Variants in BHMT2 observed in about 807,000 individuals in gnomAD.
BHMT2 encodes the protein S-methylmethionine--homocysteine S-methyltransferase BHMT2.
Under a neutral mutation model 39.0 loss-of-function variants are expected in BHMT2, and 28 were observed. That is an observed-to-expected ratio of 0.72 (90% CI 0.53 to 0.98). BHMT2 has a LOEUF of 0.98. Ranked by LOEUF, BHMT2 falls within the 50% of genes least tolerant of loss-of-function variation. The pLI is 0.00. For missense variants in BHMT2, 410 were observed against 455.6 expected, an observed-to-expected ratio of 0.90 and a Z score of 0.91; for synonymous variants, 145 against 160.6, an observed-to-expected ratio of 0.90 and a Z score of 0.74.
At chr5:79,083,094 G>T (rs569375619) in intron 5 of BHMT2, 98 bp from the exon 6 acceptor site, 1 of 1,574,126 alleles carries the variant, frequency 6.4e-7, no homozygotes, top group South Asian at 1.1e-5. Flanking sequence ...ATTGTGGGAG[G>T]TGGAGGGGAA....
intron 2 of BHMT2, 87 bp from the exon 3 acceptor site, chr5:79,079,282 T>G (rs1306963631): frequency 6.4e-6 from 6 of 932,760 alleles, no homozygotes; most frequent in African/African-American, 1.7e-5. Context: ...TGGGAGTCAG[T>G]GAGCTACTGC....
intron 4 of BHMT2, among the ~76,000 whole-genome samples, chr5:79,081,665 C>T (rs555099411): frequency 6.6e-6 from 1 of 152,170 alleles, no homozygotes; most frequent in Non-Finnish European, 1.5e-5. Flanking sequence ...TTTGAGACTA[C>T]CCTGGTGAAC....
At chr5:79,083,522 T>A in intron 6 of BHMT2, 106 bp from the exon 7 acceptor site, 1 of 1,480,816 alleles carries the variant, frequency 6.8e-7, no homozygotes, top group Non-Finnish European at 9.0e-7. Context: ...GAAGAATGCA[T>A]CATCTAAAGT....
intron 4 of BHMT2, 137 bp downstream of exon 4, chr5:79,081,015 C>G: frequency 1.3e-6 from 1 of 792,326 alleles, no homozygotes; most frequent in Non-Finnish European, 1.9e-6. Flanking sequence ...TATTTAAATG[C>G]ATGGTAGTCA....
In BHMT2 at chr5:79,087,010, G is replaced by GTATATATATATA. The variant is rs71615505; in HGVS notation, c.1011-1482_1011-1481insATATATATATAT. Reference sequence around the variant, plus strand: ...CTTTTGTGTATGTATGTGTGTGTGTGTGTGTATATATATATATATATATAT... The same window carrying GTATATATATATA: ...CTTTTGTGTATGTATGTGTGTGTGTGTATATATATATATGTGTATATATATATATATATATAT... On this transcript the variant is annotated intron_variant, in intron 7 of 7. Transcript: ENST00000255192. 3.0e-3 allele frequency among the ~76,000 whole-genome samples: 341 copies of GTATATATATATA among 113,314 alleles called. 2 individuals are homozygous for GTATATATATATA. The highest frequency in any genetic ancestry group is 4.3e-3 in the Middle Eastern group (1 of 234). The allele number at this position is 113,314 out of a possible 152,430, so 74.3% of individuals were successfully genotyped here.
In BHMT2 at chr5:79,079,466, C is replaced by CAATATGGA; in HGVS notation, c.258+6_258+7insAATATGGA. On this transcript the variant is annotated splice_region_variant and intron_variant, in intron 3 of 7. Coordinates refer to ENST00000255192, the MANE Select transcript of BHMT2 (RefSeq NM_017614.5). ...AGGACAATATGGAAAGCAAGGTAAA[C>CAATATGGA]GGCAATGGCTGGGTGTGGGGGAGGG... 1 of 1,604,544 alleles carries CAATATGGA rather than the reference C, an allele frequency of 6.2e-7. No homozygotes were observed.
chr5:79,079,420 C>T lies in BHMT2; in HGVS notation c.218C>T (p.Thr73Ile). Residue 73 changes from threonine to isoleucine, a missense_variant, in exon 3 of 8, where the codon ACT becomes ATT. Coordinates refer to ENST00000255192, the MANE Select transcript of BHMT2 (RefSeq NM_017614.5). ...AGAGCAGGATCAAATGTCATGCAGA[C>T]TTTTACCTTTTCTGCCAGTGAGGAC... ...FLRAGSNVMQTFTFSASEDNM... is the reference protein window; with the variant it reads ...FLRAGSNVMQIFTFSASEDNM... 1.2e-6 allele frequency: 2 copies of T among 1,613,984 alleles called. No individual in the cohort carries two copies. The highest frequency in any genetic ancestry group is 1.7e-6 in the Non-Finnish European group (2 of 1,179,916).
intron 6 of BHMT2, 86 bp from the exon 7 acceptor site, chr5:79,083,531 GTTTATAGTTTT>G: frequency 6.6e-7 from 1 of 1,506,728 alleles, no homozygotes; most frequent in South Asian, 1.3e-5. Context: ...ATCATCTAAA[GTTTATAGTTTT>G]TTTAATTGGA....
rs55861901 is a variant in BHMT2 at position 79,088,715 on chromosome 5, C to T, written c.*141C>T. 1 of 630,172 alleles carries T rather than the reference C, an allele frequency of 1.6e-6. No individual in the cohort carries two copies. Among genetic ancestry groups the T allele is most frequent in the South Asian group, 2.0e-5 (1 of 50,596 alleles). 39.0% of individuals were successfully genotyped at this position (630,172 alleles called of 1,614,324 possible). On this transcript the variant is annotated 3_prime_UTR_variant, in exon 8 of 8. Transcript: ENST00000255192. ...GCAGCTGAGGTGCTGCAGCCCCTTC[C>T]CTTCCAGCCCACAAGTGTGTGCATA...
At chr5:79,069,928 T>TGGAC in intron 1 of BHMT2, 113 bp downstream of exon 1, 1 of 1,124,220 alleles carries the variant, frequency 8.9e-7, no homozygotes, top group Non-Finnish European at 1.2e-6. Context: ...GCAAAACACT[T>TGGAC]GGACGGGATG....
chr5:79,083,828 A>T lies in BHMT2; in HGVS notation c.982A>T (p.Met328Leu), dbSNP rs747971613. The T allele has an allele frequency of 1.2e-5, 20 of 1,613,996 alleles. No individual in the cohort carries two copies. Among genetic ancestry groups the T allele is most frequent in the Non-Finnish European group, 1.7e-5 (20 of 1,179,992 alleles). Residue 328 changes from methionine to leucine, a missense_variant, in exon 7 of 8, where the codon ATG becomes TTG. By Grantham distance (15) the Met-to-Leu change is conservative (BLOSUM62 2). Coordinates refer to ENST00000255192, the MANE Select transcript of BHMT2 (RefSeq NM_017614.5). Reference protein sequence around the residue: ...KHGSWGSGLDMHTKPWIRARA... With the variant: ...KHGSWGSGLDLHTKPWIRARA... ...CGGCAGCTGGGGAAGTGGTTTGGAC[A>T]TGCACACCAAACCCTGGATTAGAGC...
At chr5:79,082,748 C>T in intron 4 of BHMT2, 61 bp from the exon 5 acceptor site, 1 of 1,580,378 alleles carries the variant, frequency 6.3e-7, no homozygotes, top group Non-Finnish European at 8.6e-7. Flanking sequence ...GCTATATTTA[C>T]CTTTACCATT....
intron 1 of BHMT2, among the ~76,000 whole-genome samples, chr5:79,074,433 A>C (rs1034816980): frequency 6.6e-6 from 1 of 152,204 alleles, no homozygotes; most frequent in South Asian, 2.1e-4. Flanking sequence ...GGTTGCTTTT[A>C]TTAGATCCAG....
chr5:79,072,650 C>T (rs1755603123), intron 1 of BHMT2, among the ~76,000 whole-genome samples: 4 of 152,194 alleles, frequency 2.6e-5, no homozygotes, highest in Admixed American at 2.6e-4. Context: ...TAACCAGATA[C>T]TGCTGTACAG....
intron 7 of BHMT2, among the ~76,000 whole-genome samples, chr5:79,085,549 C>T (rs1755876862): frequency 6.6e-6 from 1 of 152,180 alleles, no homozygotes. Context: ...GGCGTGGTGG[C>T]GGGAGCCTAT....
chr5:79,085,903 C>T (rs1755883808), intron 7 of BHMT2, among the ~76,000 whole-genome samples: 1 of 152,084 alleles, frequency 6.6e-6, no homozygotes, highest in South Asian at 2.1e-4. Flanking sequence ...TTTCTGGCCT[C>T]CTCAGATTCA....
intron 4 of BHMT2, among the ~76,000 whole-genome samples, chr5:79,082,075 C>T (rs182757419): frequency 1.3e-5 from 2 of 152,340 alleles, no homozygotes; most frequent in South Asian, 2.1e-4. Context: ...TTGATTCTCT[C>T]ATAATTCCTC....
chr5:79,088,398 G>GTGTGTGTGTGTGT (rs757526868), intron 7 of BHMT2, 95 bp from the exon 8 acceptor site: 5 of 609,760 alleles, frequency 8.2e-6, no homozygotes, highest in Admixed American at 2.7e-5. Flanking sequence ...GTGTGTGTGT[G>GTGTGTGTGTGTGT]GTTATATACA....
rs1295982854 is a variant in BHMT2, at chr5:79,069,835, T to A, written c.33+20T>A. On this transcript the variant is annotated intron_variant, in intron 1 of 7. Coordinates refer to ENST00000255192, the MANE Select transcript of BHMT2 (RefSeq NM_017614.5). ...AAGAAGGTGAGTTTCGTCCCCTCGA[T>A]CCTCGCGGAGCTCCTGGCCGCTGGG... 1.4e-6 allele frequency: 2 copies of A among 1,412,310 alleles called. No homozygotes were observed. The highest frequency in any genetic ancestry group is 3.0e-5 in the African/African-American group (2 of 67,286). 87.5% of individuals were successfully genotyped at this position (1,412,310 alleles called of 1,614,324 possible).
Sources: gnomAD v4.1 joint callset for allele counts (sites outside exome capture counted in the v4.1 genomes callset) on GRCh38, gnomAD v4.1.1 for gene constraint, MANE v1.5 for transcripts, NCBI Gene and HGNC (gene_info 2026-07-23, HGNC 2026-07-21) for gene names.